Variants in RGS3 observed in about 807,000 individuals in gnomAD.
The protein encoded by RGS3 is regulator of G-protein signalling 3.
RGS3 carries 80 observed loss-of-function variants against 132.6 expected under a neutral mutation model. The observed-to-expected ratio is 0.60, with a 90% confidence interval of 0.50 to 0.73. The LOEUF (loss-of-function observed/expected upper bound fraction) is 0.73, where lower values mean the gene tolerates loss of function less well. RGS3 is among the 30% of genes least tolerant of loss of function. The pLI is 0.00. For missense variants in RGS3, 1,382 were observed against 1,530.8 expected (o/e 0.90, Z 1.62); for synonymous variants, 598 against 620.6 (o/e 0.96, Z 0.54).
At chr9:113,546,502 G>T (rs1337116130) in intron 19 of RGS3, among the ~76,000 whole-genome samples, 1 of 152,194 alleles carries the variant, frequency 6.6e-6, no homozygotes, top group Admixed American at 6.5e-5. Flanking sequence ...AGGCTGTCCA[G>T]TTCAACTCTC....
chr9:113,513,082 GC>G (rs992685154), intron 14 of RGS3, among the ~76,000 whole-genome samples: 9 of 152,318 alleles, frequency 5.9e-5, no homozygotes, highest in African/African-American at 2.2e-4. Flanking sequence ...TGTAATCCCA[GC>G]TACTTGGGGG....
intron 18 of RGS3, among the ~76,000 whole-genome samples, chr9:113,532,039 C>T (rs557714859): frequency 6.6e-6 from 1 of 152,320 alleles, no homozygotes; most frequent in East Asian, 1.9e-4. Context: ...TGTTTAAATG[C>T]ACAGGTCTGT....
chr9:113,565,061 C>A lies in RGS3; in HGVS notation c.2038-18389C>A. On this transcript the variant is annotated intron_variant, in intron 19 of 24. Transcript: ENST00000350696. This position sits in a 1 kb window ranked among gnomAD's most constrained non-coding sequence, Gnocchi z 5.7. ...GTGGAGCCTGCTAGGGATCCCAGTG[C>A]CAGGGGGTGCCGTTGTGAGGGATGG... 1 of 1,135,918 alleles carries A rather than the reference C, an allele frequency of 8.8e-7. No homozygotes were observed. Among genetic ancestry groups the A allele is most frequent in the African/African-American group, 1.6e-5 (1 of 61,160 alleles). 70.4% of individuals were successfully genotyped at this position (1,135,918 alleles called of 1,614,324 possible).
intron 16 of RGS3, among the ~76,000 whole-genome samples, chr9:113,519,945 C>T (rs1205009893): frequency 6.6e-6 from 1 of 152,202 alleles, no homozygotes; most frequent in Non-Finnish European, 1.5e-5. Flanking sequence ...AAGCACAAGA[C>T]AGACACACCC....
rs1464942615 is a variant in RGS3, at chr9:113,537,188, CCTATGGCAAGGTTT to C, written c.2037+271_2037+284del. ...GTTCTGCACTCTGTTCTTCGGTTTGCCTATGGCAAGGTTTAATTCGGGCTGGCCTCCCTGATGCT... is the reference window on the plus strand; with the variant it reads ...GTTCTGCACTCTGTTCTTCGGTTTGCAATTCGGGCTGGCCTCCCTGATGCT... On this transcript the variant is annotated intron_variant, in intron 19 of 24. Coordinates refer to ENST00000350696, the Ensembl canonical transcript of RGS3. This position sits in a 1 kb window ranked among gnomAD's most constrained non-coding sequence, Gnocchi z 4.3. 1.3e-5 allele frequency among the ~76,000 whole-genome samples: 2 copies of C among 152,354 alleles called. No individual in the cohort carries two copies. Among genetic ancestry groups the C allele is most frequent in the Non-Finnish European group, 2.9e-5 (2 of 68,036 alleles).
At chr9:113,532,422 C>G (rs2118564596) in intron 18 of RGS3, among the ~76,000 whole-genome samples, 2 of 152,204 alleles carry the variant, frequency 1.3e-5, no homozygotes, top group Middle Eastern at 3.4e-3. Flanking sequence ...AAATGTTTGC[C>G]CATCTAAGCC....
rs1217293385 is a variant in RGS3, at chr9:113,553,459, AATATATATATAT to A, written c.2037+16562_2037+16573del. On this transcript the variant is annotated intron_variant, in intron 19 of 24. Transcript: ENST00000350696. The stretch of plus-strand genomic sequence containing the variant: ...CTCTGTTTAAAAAAAAAAAAAAAAA[AATATATATATAT>A]ATATATATATATATATATATGTATA... Among the ~76,000 whole-genome samples the A allele has an allele frequency of 6.3e-4, 37 of 58,682 alleles. 1 individual carries two copies. The highest frequency in any genetic ancestry group is 2.2e-3 in the African/African-American group (30 of 13,914). The allele number at this position is 58,682 out of a possible 152,430, so 38.5% of individuals were successfully genotyped here.
At chr9:113,522,894 A>C (rs903949008) in intron 16 of RGS3, 36 bp from the exon 15 acceptor site, 2 of 1,425,046 alleles carry the variant, frequency 1.4e-6, no homozygotes, top group African/African-American at 2.8e-5. Flanking sequence ...AGAGGACAGC[A>C]AAGTAGCCAG....
intron 8 of RGS3, among the ~76,000 whole-genome samples, chr9:113,496,803 G>A (rs1045202157): frequency 3.3e-5 from 5 of 152,006 alleles, no homozygotes; most frequent in African/African-American, 9.7e-5. Context: ...CACCCGTCTC[G>A]GCCTCCCAAA....
At position 113,517,166 on chromosome 9, in the gene RGS3, G is replaced by T. The variant is rs75398251; in HGVS notation, c.1675-375G>T. On this transcript the variant is annotated intron_variant, in intron 15 of 24. Coordinates refer to ENST00000350696, the Ensembl canonical transcript of RGS3. ...TCAGGATGCCTCTTGGTCCTGTGAG[G>T]CATGAACAGGATAGATGGGGGATGG... The T allele has an allele frequency of 9.2e-4, 435 of 470,396 alleles. 1 individual carries two copies. Among genetic ancestry groups the T allele is most frequent in the Middle Eastern group, 3.2e-3 (7 of 2,180 alleles). The allele number at this position is 470,396 out of a possible 1,614,324, so 29.1% of individuals were successfully genotyped here.
chr9:113,490,679 TAAAATATAA>T (rs1830478240), intron 7 of RGS3, among the ~76,000 whole-genome samples: 1 of 144,292 alleles, frequency 6.9e-6, no homozygotes, highest in Admixed American at 7.2e-5. Flanking sequence ...ATATAATATA[TAAAATATAA>T]TATATTATAT....
Position 113,591,445 on chromosome 9 carries a change from C to T in RGS3, c.3080+48C>T. On this transcript the variant is annotated intron_variant, in intron 21 of 24. Transcript: ENST00000350696. This position sits in a 1 kb window ranked among gnomAD's most constrained non-coding sequence, Gnocchi z 4.4. ...TTCTGCGCTCCTCTTCCTCCCTTGCCCCAGGGCTTGTCTCTCCTCTAGGGG... is the reference window on the plus strand; with the variant it reads ...TTCTGCGCTCCTCTTCCTCCCTTGCTCCAGGGCTTGTCTCTCCTCTAGGGG... 1.3e-6 allele frequency: 2 copies of T among 1,549,910 alleles called. No individual in the cohort carries two copies. The highest frequency in any genetic ancestry group is 8.9e-7 in the Non-Finnish European group (1 of 1,122,598).
At chr9:113,547,818 G>C (rs1163770741) in intron 19 of RGS3, among the ~76,000 whole-genome samples, 3 of 152,132 alleles carry the variant, frequency 2.0e-5, no homozygotes, top group African/African-American at 4.8e-5. Flanking sequence ...ACTTTTGCTG[G>C]GATAACACTA....
chr9:113,569,578 TTTCCTTCCTTCCTTCC>T (rs1226691424), intron 19 of RGS3, among the ~76,000 whole-genome samples: 144 of 88,952 alleles, frequency 1.6e-3, no homozygotes, highest in East Asian at 6.6e-3. Flanking sequence ...TCTTTCCTTC[TTTCCTTCCTTCCTTCC>T]TTCCTTCCTT....
intron 19 of RGS3, among the ~76,000 whole-genome samples, chr9:113,544,816 T>C (rs1190841573): frequency 6.6e-6 from 1 of 152,232 alleles, no homozygotes. Flanking sequence ...CACTCATTTC[T>C]GATAAAAAGG....
intron 19 of RGS3, among the ~76,000 whole-genome samples, chr9:113,575,233 T>G (rs1834459114): frequency 6.6e-6 from 1 of 152,224 alleles, no homozygotes. Context: ...GAAGGTTTTC[T>G]GAGGGGGCCC....
chr9:113,462,602 G>A (rs1204307939), intron 3 of RGS3, among the ~76,000 whole-genome samples: 1 of 152,204 alleles, frequency 6.6e-6, no homozygotes, highest in Non-Finnish European at 1.5e-5. Flanking sequence ...CCTTGGGCAT[G>A]TCACCTGTCT....
intron 19 of RGS3, among the ~76,000 whole-genome samples, chr9:113,550,144 G>A (rs538887176): frequency 2.0e-5 from 3 of 152,304 alleles, no homozygotes; most frequent in East Asian, 1.9e-4. Flanking sequence ...TGGGTGGATC[G>A]CTGAGGTCAG....
chr9:113,552,330 T>G (rs1416590589), intron 19 of RGS3, among the ~76,000 whole-genome samples: 1 of 152,224 alleles, frequency 6.6e-6, no homozygotes, highest in African/African-American at 2.4e-5. Context: ...TTTATTTATT[T>G]TTTTGAGACG....
Sources: allele counts gnomAD v4.1 joint callset (sites outside exome capture counted in the v4.1 genomes callset), GRCh38; gene constraint gnomAD v4.1.1; non-coding constraint Gnocchi (gnomAD v3.1); transcripts MANE v1.5; gene names NCBI Gene and HGNC (gene_info 2026-07-23, HGNC 2026-07-21).